The following SORCS2 variants were observed in gnomAD, a reference collection of about 807,000 sequenced individuals.
The protein encoded by SORCS2 is VPS10 domain-containing receptor SorCS2.
SORCS2 carries 100 observed loss-of-function variants against 141.6 expected under a neutral mutation model. The ratio of observed to expected loss-of-function variants is 0.71; its 90% CI spans 0.60 to 0.83. The LOEUF is 0.83. SORCS2 is among the 40% of genes least tolerant of loss of function. The pLI, the probability that SORCS2 is intolerant of heterozygous loss-of-function variation, is 0.00. For synonymous variants in SORCS2, 789 were observed against 676.9 expected (o/e 1.17, Z -2.57); for missense variants, 1,646 against 1,560.2 (o/e 1.05, Z -0.93).
chr4:7,587,851 G>A (rs946354174), intron 3 of SORCS2, among the ~76,000 whole-genome samples: 5 of 152,188 alleles, frequency 3.3e-5, no homozygotes, highest in Admixed American at 1.3e-4. Context: ...CCGTTAGGCC[G>A]GCCCATCCAG....
Position 7,650,741 on chromosome 4 carries a change from CCCAGCCCAGCCCAGCCCAGCCCA to C in SORCS2, c.814-3392_814-3370del, listed in dbSNP as rs1560456321. Reference sequence around the variant, plus strand: ...CCCCGCCCCGCCCAGCCCAGCCCAGCCCAGCCCAGCCCAGCCCAGCCCAGCCCAGCCCAGCCTGCCTCCTCCAT... The same window carrying C: ...CCCCGCCCCGCCCAGCCCAGCCCAGCGCCCAGCCCAGCCTGCCTCCTCCAT... On this transcript the variant is annotated intron_variant, in intron 4 of 26. Coordinates refer to ENST00000507866, the MANE Select transcript of SORCS2 (RefSeq NM_020777.3). Among the ~76,000 whole-genome samples the C allele has an allele frequency of 2.1e-3, 286 of 136,318 alleles. 2 individuals are homozygous for C. Among genetic ancestry groups the C allele is most frequent in the African/African-American group, 7.6e-3 (267 of 35,286 alleles). The allele number at this position is 136,318 out of a possible 152,430, so 89.4% of individuals were successfully genotyped here.
chr4:7,272,023 C>T (rs1348526521), intron 1 of SORCS2, among the ~76,000 whole-genome samples: 1 of 152,174 alleles, frequency 6.6e-6, no homozygotes, highest in Admixed American at 6.5e-5. Flanking sequence ...GGTGTGTGTG[C>T]ACACTCACAT....
chr4:7,620,739 T>G (rs1719110219), intron 3 of SORCS2, among the ~76,000 whole-genome samples: 1 of 152,132 alleles, frequency 6.6e-6, no homozygotes, highest in Admixed American at 6.6e-5. Flanking sequence ...GCTCTTTGCC[T>G]TCTTCTTGCA....
At chr4:7,726,958 G>A in intron 21 of SORCS2, 55 bp downstream of exon 21, 1 of 1,573,792 alleles carries the variant, frequency 6.4e-7, no homozygotes, top group Non-Finnish European at 8.7e-7. Context: ...CTGCAGTCCA[G>A]GAAGCCAGGC....
chr4:7,262,821 AC>A (rs1248961335), intron 1 of SORCS2, among the ~76,000 whole-genome samples: 3 of 152,184 alleles, frequency 2.0e-5, no homozygotes, highest in Non-Finnish European at 4.4e-5. Flanking sequence ...GGATTTAGGC[AC>A]TGCTTTTTCT....
At chr4:7,434,205 C>G in intron 2 of SORCS2, 22 of 1,613,814 alleles carry the variant, frequency 1.4e-5, no homozygotes, top group Non-Finnish European at 1.9e-5. Context: ...AGAGGTAGTT[C>G]TTGCAGAGGA....
chr4:7,709,751 C>T (rs1311615049), intron 14 of SORCS2, among the ~76,000 whole-genome samples: 3 of 152,198 alleles, frequency 2.0e-5, no homozygotes, highest in African/African-American at 7.2e-5. Context: ...CACCTCTAAC[C>T]TGGCCAGAGG....
chr4:7,668,749 C>G lies in SORCS2; in HGVS notation c.1161+1536C>G, dbSNP rs149078398. Among the ~76,000 whole-genome samples, 49 of 152,378 alleles carry G rather than the reference C, an allele frequency of 3.2e-4. No homozygotes were observed. In the East Asian group the frequency reaches 8.3e-3, roughly 26 times the overall value. ...CATTTCAGGCAAAGGCAGTAGGTGTCTGTCCCTCTGAGGTGAGGGACCTTT... is the reference window on the plus strand; with the variant it reads ...CATTTCAGGCAAAGGCAGTAGGTGTGTGTCCCTCTGAGGTGAGGGACCTTT... On this transcript the variant is annotated intron_variant, in intron 8 of 26. Coordinates refer to ENST00000507866, the MANE Select transcript of SORCS2 (RefSeq NM_020777.3).
intron 2 of SORCS2, among the ~76,000 whole-genome samples, chr4:7,527,299 G>A (rs2109530300): frequency 6.6e-6 from 1 of 152,374 alleles, no homozygotes; most frequent in South Asian, 2.1e-4. Flanking sequence ...TGGCAAAGGG[G>A]ACTTTGCAGA....
chr4:7,705,306 C>G (rs992834676), intron 14 of SORCS2, among the ~76,000 whole-genome samples: 2 of 152,204 alleles, frequency 1.3e-5, no homozygotes, highest in South Asian at 4.1e-4. Context: ...GCCCTGCCGA[C>G]CCCTGGATTT....
intron 4 of SORCS2, among the ~76,000 whole-genome samples, chr4:7,642,699 A>C (rs932355859): frequency 6.6e-6 from 1 of 152,108 alleles, no homozygotes; most frequent in African/African-American, 2.4e-5. Context: ...TTACAGAAAC[A>C]AGCATTATTT....
In SORCS2 at chr4:7,638,373, T is replaced by C; in HGVS notation, c.694T>C (p.Phe232Leu). ...ACTCAGTGACCGGGACCAGAGCCTA[T>C]TCCTCAGCGCAGACGAAGGCGCCAC... is the stretch of plus-strand genomic sequence containing the variant. ...SSLSDRDQSL[F>L]LSADEGATFQ... Residue 232 changes from phenylalanine (F) to leucine (L), a missense_variant, in exon 4 of 27, where the codon TTC (phenylalanine) becomes CTC (leucine). Transcript: ENST00000507866. 1 of 1,551,508 alleles carries C rather than the reference T, an allele frequency of 6.4e-7. No homozygotes were observed. The highest frequency in any genetic ancestry group is 8.7e-7 in the Non-Finnish European group (1 of 1,155,108).
chr4:7,404,002 T>G (rs1490594029), intron 2 of SORCS2, among the ~76,000 whole-genome samples: 40 of 59,240 alleles, frequency 6.8e-4, no homozygotes, highest in African/African-American at 3.1e-3. Flanking sequence ...TATATATTTT[T>G]TTTTTTTTTT....
At chr4:7,632,783 C>G (rs1460679639) in intron 3 of SORCS2, among the ~76,000 whole-genome samples, 1 of 152,172 alleles carries the variant, frequency 6.6e-6, no homozygotes, top group African/African-American at 2.4e-5. Flanking sequence ...CACTGCCAGG[C>G]TGAGAGGCTG....
intron 3 of SORCS2, among the ~76,000 whole-genome samples, chr4:7,611,682 G>A (rs1452504840): frequency 6.6e-6 from 1 of 152,152 alleles, no homozygotes; most frequent in African/African-American, 2.4e-5. Context: ...TAAATGCTTG[G>A]GGAAAAATTC....
chr4:7,472,961 A>T (rs10755153), intron 2 of SORCS2, among the ~76,000 whole-genome samples: 140,267 of 151,958 alleles, frequency 0.92, 64,779 homozygotes, highest in South Asian at 0.97. Context: ...TACTGTCAAT[A>T]CTACATCTTA....
At chr4:7,266,278 G>A (rs941269246) in intron 1 of SORCS2, among the ~76,000 whole-genome samples, 2 of 152,176 alleles carry the variant, frequency 1.3e-5, no homozygotes, top group Non-Finnish European at 2.9e-5. Flanking sequence ...GAGTCCCTCC[G>A]TGGAAGTTGG....
At chr4:7,339,309 G>A (rs934853171) in intron 1 of SORCS2, among the ~76,000 whole-genome samples, 3 of 152,250 alleles carry the variant, frequency 2.0e-5, no homozygotes, top group Non-Finnish European at 4.4e-5. Flanking sequence ...ATCCAAGGAT[G>A]TGCACAGGAA....
chr4:7,686,468 C>G (rs1241374648), intron 10 of SORCS2, among the ~76,000 whole-genome samples: 2 of 152,190 alleles, frequency 1.3e-5, no homozygotes, highest in East Asian at 3.9e-4. Context: ...AGTCCTGGAG[C>G]AGTGTGAGTC....
Sources: gnomAD v4.1 joint callset for allele counts (sites outside exome capture counted in the v4.1 genomes callset) on GRCh38, gnomAD v4.1.1 for gene constraint, MANE v1.5 for transcripts, NCBI Gene and HGNC (gene_info 2026-07-23, HGNC 2026-07-21) for gene names.